The following PVT1 variants were observed in gnomAD, a reference collection of about 807,000 sequenced individuals.
PVT1 encodes the protein CXCR4/PVT1 fusion.
At chr8:127,821,884 A>G (rs1814733184) in intron 2 of PVT1, among the ~76,000 whole-genome samples, 1 of 152,188 alleles carries the variant, frequency 6.6e-6, no homozygotes, top group South Asian at 2.1e-4. Flanking sequence ...GTGCTATGCT[A>G]AACTGTGACA....
chr8:127,879,226 T>A (rs1380741660), intron 2 of PVT1, among the ~76,000 whole-genome samples: 1 of 152,212 alleles, frequency 6.6e-6, no homozygotes, highest in Non-Finnish European at 1.5e-5. Context: ...GGCAGACTAG[T>A]GGTTAAGAAC....
intron 3 of PVT1, among the ~76,000 whole-genome samples, chr8:127,949,767 A>G (rs1424956499): frequency 6.6e-6 from 1 of 152,182 alleles, no homozygotes; most frequent in Non-Finnish European, 1.5e-5. Flanking sequence ...GTCATGGTTG[A>G]TGGGTGAGTG....
At chr8:127,991,677 C>G (rs982834906) in intron 4 of PVT1, among the ~76,000 whole-genome samples, 21 of 152,170 alleles carry the variant, frequency 1.4e-4, no homozygotes, top group African/African-American at 4.8e-4. Context: ...TAGAATTCAG[C>G]TGCTGGGAGC....
At chr8:128,022,879 T>C (rs1162635639) in intron 4 of PVT1, among the ~76,000 whole-genome samples, 1 of 139,732 alleles carries the variant, frequency 7.2e-6, no homozygotes, top group East Asian at 2.1e-4. Context: ...TTTTTTTTTT[T>C]TTTTTAAGAC....
At chr8:128,076,735 GGCATTTGTGAGCCTT>G (rs1439868264) in intron 5 of PVT1, among the ~76,000 whole-genome samples, 3 of 152,064 alleles carry the variant, frequency 2.0e-5, no homozygotes, top group African/African-American at 7.2e-5. Flanking sequence ...TGATTCATTT[GGCATTTGTGAGCCTT>G]GTCACCTGCA....
chr8:127,819,344 T>C (rs894809960), intron 2 of PVT1, among the ~76,000 whole-genome samples: 3 of 152,220 alleles, frequency 2.0e-5, no homozygotes, highest in Admixed American at 6.5e-5. Context: ...TGTAGATAGC[T>C]CTGACTGTCA....
intron 3 of PVT1, among the ~76,000 whole-genome samples, chr8:127,924,748 T>C (rs553561789): frequency 6.6e-6 from 1 of 152,226 alleles, no homozygotes; most frequent in South Asian, 2.1e-4. Flanking sequence ...CCTGACCTCG[T>C]GATCCGCCCA....
At chr8:127,927,374 G>A (rs758664712) in intron 3 of PVT1, among the ~76,000 whole-genome samples, 5 of 152,112 alleles carry the variant, frequency 3.3e-5, no homozygotes, top group Admixed American at 2.0e-4. Flanking sequence ...GCCCGTTTCT[G>A]GTCTCATTGC....
chr8:127,972,396 A>G (rs1169955455), intron 3 of PVT1, among the ~76,000 whole-genome samples: 1 of 152,192 alleles, frequency 6.6e-6, no homozygotes, highest in Non-Finnish European at 1.5e-5. Context: ...GGAGCTGTTG[A>G]ACTGTGGCCT....
intron 2 of PVT1, among the ~76,000 whole-genome samples, chr8:127,854,470 A>T (rs1364800725): frequency 6.6e-6 from 1 of 152,168 alleles, no homozygotes; most frequent in African/African-American, 2.4e-5. Flanking sequence ...CCCTCAGAGC[A>T]TTTAAAGGGG....
At position 127,984,994 on chromosome 8, in the gene PVT1, T is replaced by TTTCTCTTTCC. The variant is rs1554602249; in HGVS notation, n.783-4165_783-4164insTCTTTCCTTC. The stretch of plus-strand genomic sequence containing the variant: ...TCCTTCCTTCCTTTCTTTCTTTCTC[T>TTTCTCTTTCC]TTCCTTCCTTCCTTCCTTCCTTCCT... On this transcript the variant is annotated intron_variant and non_coding_transcript_variant, in intron 3 of 10. Transcript: ENST00000651587. 6.1e-4 allele frequency among the ~76,000 whole-genome samples: 41 copies of TTTCTCTTTCC among 67,134 alleles called. 3 individuals are homozygous for TTTCTCTTTCC. The highest frequency in any genetic ancestry group is 2.4e-3 in the African/African-American group (38 of 16,038). 44.0% of individuals were successfully genotyped at this position (67,134 alleles called of 152,430 possible).
At chr8:127,831,131 C>A (rs1293842987) in intron 2 of PVT1, among the ~76,000 whole-genome samples, 1 of 129,352 alleles carries the variant, frequency 7.7e-6, no homozygotes. Context: ...ATATCTATAT[C>A]TATATCTATC....
At chr8:128,062,392 C>A (rs1415788844) in intron 4 of PVT1, among the ~76,000 whole-genome samples, 1 of 152,096 alleles carries the variant, frequency 6.6e-6, no homozygotes, top group Non-Finnish European at 1.5e-5. Flanking sequence ...TTAACCCTTC[C>A]TAAATGCACC....
chr8:127,942,287 A>G (rs1816362178), intron 3 of PVT1, among the ~76,000 whole-genome samples: 2 of 152,160 alleles, frequency 1.3e-5, no homozygotes, highest in Non-Finnish European at 2.9e-5. Context: ...GAGAATTTCC[A>G]TGGCTTGCCT....
chr8:128,039,236 C>A (rs1368005759), intron 4 of PVT1, among the ~76,000 whole-genome samples: 2 of 45,392 alleles, frequency 4.4e-5, no homozygotes, highest in African/African-American at 2.0e-4. Context: ...AGGTTCTTGC[C>A]TCGCCTCCCT....
At chr8:127,899,197 T>G (rs1815728254) in intron 3 of PVT1, among the ~76,000 whole-genome samples, 1 of 152,188 alleles carries the variant, frequency 6.6e-6, no homozygotes, top group African/African-American at 2.4e-5. Flanking sequence ...TGTTGAGGCA[T>G]GTTAGAAAAT....
At chr8:127,900,122 G>C (rs918162801) in intron 3 of PVT1, among the ~76,000 whole-genome samples, 3 of 151,954 alleles carry the variant, frequency 2.0e-5, no homozygotes, top group Non-Finnish European at 4.4e-5. Flanking sequence ...GCTCACTGCA[G>C]CCTCTGCCTC....
At chr8:128,052,039 G>C (rs1813705025) in intron 4 of PVT1, among the ~76,000 whole-genome samples, 1 of 152,150 alleles carries the variant, frequency 6.6e-6, no homozygotes. Context: ...TTAAGAAGTA[G>C]AGATCTCTTT....
intron 5 of PVT1, among the ~76,000 whole-genome samples, chr8:128,087,747 C>CTTTTTTTTTTTTTT (rs71568675): frequency 1.3e-5 from 1 of 76,610 alleles, no homozygotes; most frequent in African/African-American, 4.9e-5. Flanking sequence ...TGATGTGCTA[C>CTTTTTTTTTTTTTT]TTTTTTTTTT....
Sources: allele counts gnomAD v4.1 joint callset (sites outside exome capture counted in the v4.1 genomes callset), GRCh38; gene constraint gnomAD v4.1.1; transcripts MANE v1.5; gene names NCBI Gene and HGNC (gene_info 2026-07-23, HGNC 2026-07-21).